TUB: variants seen among roughly 807,000 people sequenced by gnomAD.
TUB encodes tubby protein homolog.
In TUB, 33 loss-of-function variants were observed where a neutral mutation model predicts 59.7. The ratio of observed to expected loss-of-function variants is 0.55; its 90% CI spans 0.42 to 0.74. TUB has a LOEUF of 0.74. TUB is among the 30% of genes least tolerant of loss of function. The probability of loss-of-function intolerance (pLI) is 0.00; values close to 1 mark genes in which losing one functional copy is unlikely to be tolerated. For synonymous variants in TUB, 293 were observed against 256.4 expected (o/e 1.14, Z -1.36); for missense variants, 659 against 672.0 (o/e 0.98, Z 0.21).
intron 6 of TUB, 138 bp downstream of exon 6, chr11:8,096,944 C>T (rs1424869337): frequency 9.7e-7 from 1 of 1,033,374 alleles, no homozygotes; most frequent in African/African-American, 1.6e-5. Context: ...ACCTTGCCTC[C>T]TAACCTCTTC....
Position 8,104,399 on chromosome 11 carries a change from G to T in TUB, c.*2780G>T, listed in dbSNP as rs1338843011. ...CAAGTCTAGCTTTCCTTTCCTTCTGGCTCCAAGGTGCTCTGTGTCCGTCTG... is the reference window on the plus strand; with the variant it reads ...CAAGTCTAGCTTTCCTTTCCTTCTGTCTCCAAGGTGCTCTGTGTCCGTCTG... On this transcript the variant is annotated 3_prime_UTR_variant, in exon 12 of 12. Transcript: ENST00000299506. 3.3e-5 allele frequency: 5 copies of T among 152,232 alleles called. No individual in the cohort carries two copies. Among genetic ancestry groups the T allele is most frequent in the Admixed American group, 6.5e-5 (1 of 15,282 alleles). The allele number at this position is 152,232 out of a possible 1,614,324, so 9.4% of individuals were successfully genotyped here. A position where few individuals can be genotyped will look rare whatever the true frequency, so the allele number is the denominator to read the frequency against.
intron 1 of TUB, among the ~76,000 whole-genome samples, chr11:8,024,357 A>C (rs973761788): frequency 2.0e-5 from 3 of 152,122 alleles, no homozygotes; most frequent in Admixed American, 2.0e-4. Flanking sequence ...CGGCCGGGCC[A>C]CCAATGCCAT....
Position 8,097,594 on chromosome 11 carries a change from T to C in TUB, c.886-120T>C, listed in dbSNP as rs1027924350. ...CTTTGTGTTTTCCAGTGCATTTGTGTGTGTGCACATATGTGCGTTTGGGAG... is the reference window on the plus strand; with the variant it reads ...CTTTGTGTTTTCCAGTGCATTTGTGCGTGTGCACATATGTGCGTTTGGGAG... On this transcript the variant is annotated intron_variant, in intron 7 of 11. Coordinates refer to ENST00000299506, the MANE Select transcript of TUB (RefSeq NM_177972.3). 3 of 1,293,736 alleles carry C rather than the reference T, an allele frequency of 2.3e-6. No homozygotes were observed. The Admixed American group carries it at 5.4e-5, about 23-fold the overall frequency. The allele number at this position is 1,293,736 out of a possible 1,614,324, so 80.1% of individuals were successfully genotyped here.
At chr11:8,097,581 C>T (rs1944054771) in intron 7 of TUB, 133 bp from the exon 8 acceptor site, 2 of 1,324,428 alleles carry the variant, frequency 1.5e-6, no homozygotes, top group African/African-American at 1.5e-5. Context: ...TTGTGTTTTC[C>T]AGTGCATTTG....
intron 3 of TUB, among the ~76,000 whole-genome samples, chr11:8,091,115 C>T (rs546189155): frequency 6.6e-6 from 1 of 152,330 alleles, no homozygotes; most frequent in East Asian, 1.9e-4. Flanking sequence ...CCTCCAGATA[C>T]ATCGAACTAC....
chr11:8,097,720 C>T lies in TUB; in HGVS notation c.892C>T (p.Leu298Phe). ...LDREDGKKVFLLAGRKRKKSK... is the reference protein window; with the variant it reads ...LDREDGKKVFFLAGRKRKKSK... ...CCTCATTCCACTCCCCAAGGTGTTC[C>T]TCCTGGCGGGAAGGAAGAGAAAGAA... is the stretch of plus-strand genomic sequence containing the variant. Residue 298 changes from leucine (L) to phenylalanine (F), a missense_variant, in exon 8 of 12, where the codon CTC becomes TTC. Leu to Phe is a conservative substitution (Grantham distance 22, BLOSUM62 0). Transcript: ENST00000299506. The T allele has an allele frequency of 6.2e-7, 1 of 1,613,348 alleles. No homozygotes were observed. The highest frequency in any genetic ancestry group is 1.1e-5 in the South Asian group (1 of 90,958).
intron 1 of TUB, among the ~76,000 whole-genome samples, chr11:8,081,918 CACCCACAGGACG>C (rs1943574607): frequency 6.6e-6 from 1 of 152,240 alleles, no homozygotes. Context: ...TGCACGCATG[CACCCACAGGACG>C]TCCCTGCCTT....
intron 2 of TUB, among the ~76,000 whole-genome samples, chr11:8,043,196 C>T (rs1942780070): frequency 6.6e-6 from 1 of 152,144 alleles, no homozygotes; most frequent in African/African-American, 2.4e-5. Context: ...ACCATTTTAC[C>T]TCCATTGAAT....
In TUB at chr11:8,100,681, A is replaced by ATG. The variant is rs1046028806; in HGVS notation, c.1215+86_1215+87dup. 2.0e-6 allele frequency: 3 copies of ATG among 1,503,128 alleles called. No homozygotes were observed. In the African/African-American group the frequency reaches 4.7e-5, roughly 23 times the overall value. 93.1% of individuals were successfully genotyped at this position (1,503,128 alleles called of 1,614,324 possible). A position where few individuals can be genotyped will look rare whatever the true frequency, so the allele number is the denominator to read the frequency against. On this transcript the variant is annotated intron_variant, in intron 10 of 11. Coordinates refer to ENST00000299506, the MANE Select transcript of TUB (RefSeq NM_177972.3). Reference sequence around the variant, plus strand: ...GCTTCTAAGGGCAGAACTCCAGCTGATGTGTGTATGTGGAGGGGTACCATG... The same window carrying ATG: ...GCTTCTAAGGGCAGAACTCCAGCTGATGTGTGTGTATGTGGAGGGGTACCATG...
In TUB at chr11:8,102,863, TG is replaced by T. The variant is rs1187079799; in HGVS notation, c.*1245del. ...CAGCATTCAGAACTTCAAGTTCTCT[TG>T]ATTTCTTTGTTCCCACTGTCCCCCA... On this transcript the variant is annotated 3_prime_UTR_variant, in exon 12 of 12. Coordinates refer to ENST00000299506, the MANE Select transcript of TUB (RefSeq NM_177972.3). 6.6e-6 allele frequency: 1 copy of T among 152,208 alleles called. No homozygotes were observed. Among genetic ancestry groups the T allele is most frequent in the Non-Finnish European group, 1.5e-5 (1 of 68,048 alleles). 9.4% of individuals were successfully genotyped at this position (152,208 alleles called of 1,614,324 possible). A position where few individuals can be genotyped will look rare whatever the true frequency, so the allele number is the denominator to read the frequency against.
rs1008852933 is a variant in TUB, at chr11:8,033,338, G to A, written c.56+13980G>A. On this transcript the variant is annotated intron_variant, in intron 1 of 11. Transcript: ENST00000534099. Reference sequence around the variant, plus strand: ...GAAGACAGAGCTGCATTCCTGCTGTGCCGCCACAAGATGGCACTCTCTAGG... The same window carrying A: ...GAAGACAGAGCTGCATTCCTGCTGTACCGCCACAAGATGGCACTCTCTAGG... Among the ~76,000 whole-genome samples the A allele has an allele frequency of 2.0e-5, 3 of 152,218 alleles. No individual in the cohort carries two copies. The East Asian group carries it at 5.8e-4, about 29-fold the overall frequency.
chr11:8,088,434 C>G (rs757042352), intron 1 of TUB, among the ~76,000 whole-genome samples: 1 of 152,208 alleles, frequency 6.6e-6, no homozygotes, highest in African/African-American at 2.4e-5. Flanking sequence ...CCCCTTTGCA[C>G]GCACACTGCG....
chr11:8,028,778 G>A (rs974495054), intron 1 of TUB, among the ~76,000 whole-genome samples: 1 of 25,672 alleles, frequency 3.9e-5, no homozygotes, highest in Non-Finnish European at 6.9e-5. Flanking sequence ...GGAGGCTCGG[G>A]TAGGAGGATT....
chr11:8,100,382 G>A, intron 9 of TUB, 121 bp from the exon 10 acceptor site: 1 of 767,188 alleles, frequency 1.3e-6, no homozygotes, highest in South Asian at 1.6e-5. Context: ...AGAGGGATGT[G>A]TGTTAGACTT....
intron 2 of TUB, chr11:8,039,738 A>G (rs921429939): frequency 4.1e-6 from 6 of 1,446,504 alleles, no homozygotes; most frequent in Non-Finnish European, 4.6e-6. Context: ...GAAAGGGCCA[A>G]CCACAGGAGA....
intron 2 of TUB, among the ~76,000 whole-genome samples, chr11:8,061,693 G>T (rs925421337): frequency 1.3e-5 from 2 of 152,096 alleles, no homozygotes; most frequent in Non-Finnish European, 2.9e-5. Context: ...TTGCCTGGAA[G>T]TTGTCCTGCC....
In TUB at chr11:8,039,651, A is replaced by G. The variant is rs765491658; in HGVS notation, c.162A>G (p.Thr54=). The G allele has an allele frequency of 8.6e-6, 13 of 1,517,142 alleles. No homozygotes were observed. The African/African-American group carries it at 1.8e-4, about 21-fold the overall frequency. 94.0% of individuals were successfully genotyped at this position (1,517,142 alleles called of 1,614,324 possible). ...CCCTTCTTTTCCTCCTCAGGAGAAC[A>G]ACCAGGAGGAAGTACTGGAAGGAAG... Residue 54 remains threonine, a synonymous_variant, in exon 2 of 13, where the codon ACA becomes ACG. Transcript: ENST00000305253.
intron 3 of TUB, among the ~76,000 whole-genome samples, chr11:8,092,524 C>T (rs866977390): frequency 1.3e-5 from 2 of 152,220 alleles, no homozygotes; most frequent in Non-Finnish European, 1.5e-5. Flanking sequence ...GGAAACTTCT[C>T]TGTCTTAGGG....
chr11:8,026,913 T>C (rs183873150), intron 1 of TUB, among the ~76,000 whole-genome samples: 1 of 152,318 alleles, frequency 6.6e-6, no homozygotes, highest in Admixed American at 6.5e-5. Flanking sequence ...TATTTATATC[T>C]GTTGAGGGGA....
Sources: allele counts gnomAD v4.1 joint callset (sites outside exome capture counted in the v4.1 genomes callset), GRCh38; gene constraint gnomAD v4.1.1; transcripts MANE v1.5; gene names NCBI Gene and HGNC (gene_info 2026-07-23, HGNC 2026-07-21).